Variants in ROR2 observed in about 807,000 individuals in gnomAD.
The protein encoded by ROR2 is ROR family WNT receptor 2.
A neutral mutation model predicts 74.9 loss-of-function variants in ROR2; 33 were observed. The observed-to-expected ratio is 0.44, with a 90% CI of 0.33 to 0.59. The LOEUF (loss-of-function observed/expected upper bound fraction) is 0.59, where lower values mean the gene tolerates loss of function less well. Ranked by LOEUF, ROR2 falls within the 20% of genes least tolerant of loss-of-function variation. ROR2 has a pLI of 0.02. For missense variants in ROR2, 1,216 were observed against 1,313.8 expected (o/e 0.93, Z 1.15); for synonymous variants, 586 against 558.7 (o/e 1.05, Z -0.69).
At position 91,737,512 on chromosome 9, in the gene ROR2, A is replaced by G. The variant is rs1278963890; in HGVS notation, c.501T>C (p.Asp167=). The G allele has an allele frequency of 2.5e-6, 4 of 1,614,070 alleles. No individual in the cohort carries two copies. Among genetic ancestry groups the G allele is most frequent in the Non-Finnish European group, 3.4e-6 (4 of 1,180,038 alleles). Residue 167 remains aspartate, a synonymous_variant, in exon 5 of 9, where the codon GAT becomes GAC. Transcript: ENST00000375708. ...GCTGGCAGAACCCATCCTCGTGGTA[A>G]TCATCCCTGGTAAGAAACACACAAA... ...THSPNHNFQD[D]YHEDGFCQPY...
At chr9:91,785,476 AGGTGAT>A (rs1406076390) in intron 1 of ROR2, among the ~76,000 whole-genome samples, 2 of 152,262 alleles carry the variant, frequency 1.3e-5, no homozygotes, top group Non-Finnish European at 2.9e-5. Context: ...TCCAGAGTCT[AGGTGAT>A]GGTGGTCTGT....
chr9:91,879,705 C>T (rs1055581485), intron 1 of ROR2, among the ~76,000 whole-genome samples: 3 of 152,034 alleles, frequency 2.0e-5, no homozygotes, highest in Admixed American at 2.0e-4. Context: ...AAGGTATGCC[C>T]ACCAAGAAAC....
chr9:91,808,405 C>T (rs748952838), intron 1 of ROR2, among the ~76,000 whole-genome samples: 9 of 151,752 alleles, frequency 5.9e-5, no homozygotes, highest in Admixed American at 3.9e-4. Context: ...GAGGCCGAGG[C>T]GGGCGGAAGA....
At chr9:91,891,551 G>A (rs1173728000) in intron 1 of ROR2, among the ~76,000 whole-genome samples, 2 of 152,190 alleles carry the variant, frequency 1.3e-5, no homozygotes, top group African/African-American at 4.8e-5. Context: ...TTACAGGCGT[G>A]AGCTACCGCA....
chr9:91,811,806 G>A (rs1039177683), intron 1 of ROR2, among the ~76,000 whole-genome samples: 8 of 152,208 alleles, frequency 5.3e-5, no homozygotes, highest in African/African-American at 1.9e-4. Flanking sequence ...TAGGGTTTGT[G>A]ACACAAGCCA....
chr9:91,786,990 C>A (rs1826823799), intron 1 of ROR2, among the ~76,000 whole-genome samples: 1 of 152,170 alleles, frequency 6.6e-6, no homozygotes, highest in Admixed American at 6.5e-5. Context: ...ACAGTCACTC[C>A]TCTCTGGGTG....
rs1190165377 is a variant in ROR2, at chr9:91,723,938, A to C, written c.2556T>G (p.Pro852=). The C allele has an allele frequency of 3.7e-6, 6 of 1,613,532 alleles. No homozygotes were observed. Among genetic ancestry groups the C allele is most frequent in the East Asian group, 4.5e-5 (2 of 44,890 alleles). The change falls in exon 9 of 9, where the codon CCT becomes CCG. Residue 852 remains proline (P), a synonymous_variant. Transcript: ENST00000375708. ...AGCTGGGCTTGGGGACCATCTGAGGAGGCACCTGCTGCGGGGCCATCTGCA... is the reference window on the plus strand; with the variant it reads ...AGCTGGGCTTGGGGACCATCTGAGGCGGCACCTGCTGCGGGGCCATCTGCA... ...IPMQMAPQQV[P]PQMVPKPSSH... is the part of the protein sequence containing the mutation.
At chr9:91,897,979 G>T (rs897728643) in intron 1 of ROR2, among the ~76,000 whole-genome samples, 2 of 152,026 alleles carry the variant, frequency 1.3e-5, no homozygotes, top group Admixed American at 1.3e-4. Context: ...AAGGGAGAAG[G>T]AGCACCAGAC....
intron 1 of ROR2, among the ~76,000 whole-genome samples, chr9:91,906,701 T>C (rs912387044): frequency 2.6e-5 from 4 of 152,212 alleles, no homozygotes; most frequent in Admixed American, 2.6e-4. Context: ...GTCTTTATTT[T>C]CTATTAATCT....
intron 4 of ROR2, among the ~76,000 whole-genome samples, chr9:91,744,878 A>G (rs1825358909): frequency 6.6e-6 from 1 of 152,158 alleles, no homozygotes; most frequent in Non-Finnish European, 1.5e-5. Flanking sequence ...CAGGTAAGCC[A>G]AACACTTTCC....
At position 91,839,275 on chromosome 9, in the gene ROR2, T is replaced by TAAGTACAGGC. The variant is rs1554681706; in HGVS notation, c.98-63458_98-63457insGCCTGTACTT. ...GGGTGTGTGTGTGTGTGTGTGTGTGTGTGTGTGTGTGTGTGTGTGTAAGTA... is the reference window on the plus strand; with the variant it reads ...GGGTGTGTGTGTGTGTGTGTGTGTGTAAGTACAGGCGTGTGTGTGTGTGTGTGTGTAAGTA... On this transcript the variant is annotated intron_variant, in intron 1 of 8. Coordinates refer to ENST00000375708, the MANE Select transcript of ROR2 (RefSeq NM_004560.4). 1.3e-3 allele frequency among the ~76,000 whole-genome samples: 194 copies of TAAGTACAGGC among 145,954 alleles called. 4 individuals are homozygous for TAAGTACAGGC. The highest frequency in any genetic ancestry group is 7.1e-3 in the Middle Eastern group (2 of 282).
At chr9:91,839,058 T>A (rs1340097775) in intron 1 of ROR2, among the ~76,000 whole-genome samples, 1 of 152,060 alleles carries the variant, frequency 6.6e-6, no homozygotes, top group African/African-American at 2.4e-5. Context: ...CTACACAACA[T>A]GCAAGGCCCT....
intron 4 of ROR2, among the ~76,000 whole-genome samples, chr9:91,738,584 C>A (rs1042188769): frequency 1.3e-5 from 2 of 152,106 alleles, no homozygotes; most frequent in African/African-American, 4.8e-5. Flanking sequence ...AGGTAAACAG[C>A]AGAAATATTT....
intron 1 of ROR2, among the ~76,000 whole-genome samples, chr9:91,918,067 C>T (rs531010269): frequency 6.6e-6 from 1 of 151,958 alleles, no homozygotes; most frequent in African/African-American, 2.4e-5. Flanking sequence ...GTCAGGAGAT[C>T]GAGACCATCC....
At chr9:91,794,475 T>C (rs145174743) in intron 1 of ROR2, among the ~76,000 whole-genome samples, 352 of 152,072 alleles carry the variant, frequency 2.3e-3, no homozygotes, top group African/African-American at 8.1e-3. Context: ...GCTTGACCTG[T>C]TACAGTCACC....
chr9:91,848,734 G>A (rs532120637), intron 1 of ROR2, among the ~76,000 whole-genome samples: 48 of 144,122 alleles, frequency 3.3e-4, no homozygotes, highest in Middle Eastern at 7.2e-3. Flanking sequence ...CAGGCTGGGC[G>A]ACAGAGTGAG....
intron 1 of ROR2, among the ~76,000 whole-genome samples, chr9:91,785,532 G>A (rs910333872): frequency 3.3e-5 from 5 of 152,334 alleles, no homozygotes; most frequent in East Asian, 3.9e-4. Context: ...CTAGGCACTC[G>A]AAAAATATCT....
chr9:91,914,500 T>C (rs1831073792), intron 1 of ROR2, among the ~76,000 whole-genome samples: 1 of 152,168 alleles, frequency 6.6e-6, no homozygotes. Flanking sequence ...GAGGTCCAGG[T>C]TCTCTTTCCC....
At chr9:91,736,470 C>A (rs1360483567) in intron 5 of ROR2, among the ~76,000 whole-genome samples, 1 of 152,194 alleles carries the variant, frequency 6.6e-6, no homozygotes, top group East Asian at 1.9e-4. Flanking sequence ...CAGAGATCAC[C>A]CACTGACTCT....
Sources: allele counts gnomAD v4.1 joint callset (sites outside exome capture counted in the v4.1 genomes callset), GRCh38; gene constraint gnomAD v4.1.1; transcripts MANE v1.5; gene names NCBI Gene and HGNC (gene_info 2026-07-23, HGNC 2026-07-21).